DDX24: variants seen among roughly 807,000 people sequenced by gnomAD.
DDX24 encodes the protein ATP-dependent RNA helicase DDX24.
Under a neutral mutation model 68.9 loss-of-function variants are expected in DDX24, and 24 were observed. That is an observed-to-expected ratio of 0.35 (90% CI 0.25 to 0.49). The LOEUF is 0.49. Ranked by LOEUF, DDX24 falls within the 20% of genes least tolerant of loss-of-function variation. The pLI is 0.99. For missense variants in DDX24, 989 were observed against 1,039.0 expected (o/e 0.95, Z 0.66); for synonymous variants, 395 against 385.2 (o/e 1.03, Z -0.30).
At chr14:94,061,089 G>A in intron 3 of DDX24, 23 bp from the exon 4 acceptor site, 2 of 1,611,620 alleles carry the variant, frequency 1.2e-6, no homozygotes, top group Non-Finnish European at 1.7e-6. Context: ...AAACATAAGG[G>A]ACACTTATTC....
intron 1 of DDX24, 99 bp from the exon 2 acceptor site, chr14:94,079,846 G>A: frequency 9.0e-7 from 1 of 1,109,920 alleles, no homozygotes; most frequent in South Asian, 1.5e-5. Context: ...ACAAAGAACT[G>A]AGGATACAAA....
At chr14:94,073,291 G>C (rs537253938) in intron 2 of DDX24, among the ~76,000 whole-genome samples, 5 of 152,010 alleles carry the variant, frequency 3.3e-5, no homozygotes, top group African/African-American at 1.2e-4. Context: ...CGCCATGTTG[G>C]CCAGGCTGGT....
chr14:94,070,170 G>A (rs368249680), intron 2 of DDX24, among the ~76,000 whole-genome samples: 26 of 152,002 alleles, frequency 1.7e-4, no homozygotes, highest in African/African-American at 6.0e-4. Flanking sequence ...CAAAGTTTCC[G>A]GATACAAGAT....
intron 1 of DDX24, among the ~76,000 whole-genome samples, chr14:94,080,649 G>A (rs887730492): frequency 3.9e-5 from 6 of 152,042 alleles, no homozygotes; most frequent in African/African-American, 7.2e-5. Flanking sequence ...GCCCGGCGAG[G>A]AGAGCACGTT....
In DDX24 at chr14:94,060,340, C is replaced by T. The variant is rs755952928; in HGVS notation, c.1671G>A (p.Glu557=). 4 of 1,614,182 alleles carry T rather than the reference C, an allele frequency of 2.5e-6. No individual in the cohort carries two copies. Among genetic ancestry groups the T allele is most frequent in the South Asian group, 1.1e-5 (1 of 91,074 alleles). Residue 557 remains glutamate (E), a synonymous_variant, in exon 5 of 9, where the codon GAG becomes GAA. Coordinates refer to ENST00000621632, the MANE Select transcript of DDX24 (RefSeq NM_020414.4). ...TCTCTGTTAGCGTCTCCACCGTGGC[C>T]TCATTCCTTGTGAGGTCAATGACCT... The part of the protein sequence containing the change: ...KPKVIDLTRN[E]ATVETLTETK...
chr14:94,056,083 G>C (rs1050427196), intron 6 of DDX24: 2 of 152,186 alleles, frequency 1.3e-5, no homozygotes, highest in African/African-American at 4.8e-5. Context: ...CTTAGGGGCT[G>C]GGACTGTATT....
intron 7 of DDX24, among the ~76,000 whole-genome samples, chr14:94,054,480 T>C (rs1034701145): frequency 2.0e-5 from 3 of 152,182 alleles, no homozygotes; most frequent in Admixed American, 6.5e-5. Context: ...TGCTCCACTG[T>C]ACCTGAACTT....
chr14:94,071,197 A>G (rs6575386), intron 2 of DDX24, among the ~76,000 whole-genome samples: 75,276 of 151,958 alleles, frequency 0.5, 19,496 homozygotes, highest in African/African-American at 0.65. Context: ...GTGGGTTAAC[A>G]ACATAAATAG....
Position 94,050,961 on chromosome 14 carries a change from C to T in DDX24, c.*230G>A. Reference sequence around the variant, plus strand: ...TTAATTTATGAAATCAAGTTTAACACACAAGAAGCCTATAAACACTGCAAT... The same window carrying T: ...TTAATTTATGAAATCAAGTTTAACATACAAGAAGCCTATAAACACTGCAAT... On this transcript the variant is annotated 3_prime_UTR_variant, in exon 9 of 9. Coordinates refer to ENST00000621632, the MANE Select transcript of DDX24 (RefSeq NM_020414.4). 2 of 399,334 alleles carry T rather than the reference C, an allele frequency of 5.0e-6. No homozygotes were observed. The highest frequency in any genetic ancestry group is 1.3e-4 in the South Asian group (1 of 7,976). The allele number at this position is 399,334 out of a possible 1,614,324, so 24.7% of individuals were successfully genotyped here.
At chr14:94,068,923 AACAG>A (rs1373647499) in intron 2 of DDX24, among the ~76,000 whole-genome samples, 1 of 151,750 alleles carries the variant, frequency 6.6e-6, no homozygotes, top group African/African-American at 2.4e-5. Flanking sequence ...AAAGAGCACA[AACAG>A]ACAATCTAAG....
chr14:94,051,452 A>T lies in DDX24; in HGVS notation c.2319T>A (p.Ala773=). 1 of 1,554,028 alleles carries T rather than the reference A, an allele frequency of 6.4e-7. No homozygotes were observed. Among genetic ancestry groups the T allele is most frequent in the Non-Finnish European group, 8.7e-7 (1 of 1,153,150 alleles). ...LEEDMYKGGK[A]DQQEERRRQK... ...GTCTCCGACGTTCTTCTTGCTGGTC[A>T]GCTTTTCCTCCTTGAAACACAATAC... The change falls in exon 9 of 9, where the codon GCT becomes GCA. Residue 773 remains alanine, a synonymous_variant. Coordinates refer to ENST00000621632, the MANE Select transcript of DDX24 (RefSeq NM_020414.4).
chr14:94,056,330 A>G (rs1885491788), intron 6 of DDX24: 1 of 152,232 alleles, frequency 6.6e-6, no homozygotes, highest in Non-Finnish European at 1.5e-5. Context: ...TGGTCACCAG[A>G]AAGGCCAAGG....
Position 94,080,752 on chromosome 14 carries a change from G to A in DDX24, c.-6+367C>T, listed in dbSNP as rs138934825. ...AAAGAAACACGCGGGGTTCAACAAG[G>A]AGAGGGCGAGGGGTGCCACGCGAAC... On this transcript the variant is annotated intron_variant, in intron 1 of 8. Transcript: ENST00000621632. Among the ~76,000 whole-genome samples the A allele has an allele frequency of 1.2e-4, 18 of 152,294 alleles. No individual in the cohort carries two copies. In the East Asian group the frequency reaches 3.1e-3, roughly 26 times the overall value.
At chr14:94,080,074 AG>A (rs1026160797) in intron 1 of DDX24, among the ~76,000 whole-genome samples, 8 of 152,138 alleles carry the variant, frequency 5.3e-5, no homozygotes, top group African/African-American at 1.9e-4. Context: ...AAAAGGGGGG[AG>A]GGTACCTAAC....
Position 94,062,328 on chromosome 14 carries a change from C to T in DDX24, c.1012G>A (p.Gly338Ser). 1.2e-6 allele frequency: 2 copies of T among 1,614,242 alleles called. No individual in the cohort carries two copies. Among genetic ancestry groups the T allele is most frequent in the Non-Finnish European group, 1.7e-6 (2 of 1,180,052 alleles). Residue 338 changes from glycine to serine, a missense_variant, in exon 3 of 9, where the codon GGT (glycine) becomes AGT (serine). Gly to Ser is a moderately conservative substitution (Grantham distance 56, BLOSUM62 0). Transcript: ENST00000621632. ...CTGATCAGGGAAGAAGGCCCTTCAC[C>T]AGCATCATCGTCACCAAAGAGCAAC... is the stretch of plus-strand genomic sequence containing the variant. ...QALLFGDDDA[G>S]EGPSSLIREK...
chr14:94,078,341 T>C (rs1885988028), intron 2 of DDX24, among the ~76,000 whole-genome samples: 1 of 152,216 alleles, frequency 6.6e-6, no homozygotes, highest in Non-Finnish European at 1.5e-5. Context: ...AACAGACCAA[T>C]AGTTCCAGGC....
At chr14:94,072,302 T>C (rs1439585224) in intron 2 of DDX24, among the ~76,000 whole-genome samples, 1 of 152,206 alleles carries the variant, frequency 6.6e-6, no homozygotes, top group East Asian at 1.9e-4. Context: ...GCATTTGCAG[T>C]GACCTGGATG....
chr14:94,078,368 C>T (rs979710647), intron 2 of DDX24, among the ~76,000 whole-genome samples: 1 of 152,192 alleles, frequency 6.6e-6, no homozygotes, highest in Non-Finnish European at 1.5e-5. Flanking sequence ...AGTTCCTCCC[C>T]CAAGTCAGCA....
In DDX24 at chr14:94,062,184, G is replaced by A. The variant is rs141018929; in HGVS notation, c.1156C>T (p.Arg386Cys). 1.1e-4 allele frequency: 178 copies of A among 1,614,096 alleles called. 1 individual carries two copies. The African/African-American group carries it at 1.2e-3, about 11-fold the overall frequency. ...GTCAGAACCAGTCCAAGCAGAGGAC[G>A]CTTTGGATATGCCTTACAGGTGGCG... ...KSATCKAYPK[R>C]PLLGLVLTPT... Residue 386 changes from arginine to cysteine, a missense_variant, in exon 3 of 9, where the codon CGT becomes TGT. Arg to Cys is a radical substitution (Grantham distance 180). This residue lies in a region of DDX24 where 691 missense variants were observed against 760.0 expected (regional missense o/e 0.91). Transcript: ENST00000621632.
Sources: allele counts gnomAD v4.1 joint callset (sites outside exome capture counted in the v4.1 genomes callset), GRCh38; gene constraint gnomAD v4.1.1; regional missense constraint gnomAD v4.1.1; transcripts MANE v1.5; gene names NCBI Gene and HGNC (gene_info 2026-07-23, HGNC 2026-07-21).